Variants in BLVRA observed in about 807,000 individuals in gnomAD.
BLVRA encodes BVR A.
BLVRA carries 22 observed loss-of-function variants against 32.8 expected under a neutral mutation model. That is an observed-to-expected ratio of 0.67 (90% CI 0.48 to 0.96). The LOEUF (loss-of-function observed/expected upper bound fraction) is 0.96, where lower values mean the gene tolerates loss of function less well. Among genes scored for constraint, BLVRA ranks in the 40% least tolerant of loss-of-function variants. The pLI is 0.00. For missense variants in BLVRA, 323 were observed against 358.1 expected, an observed-to-expected ratio of 0.90 and a Z score of 0.79; for synonymous variants, 119 against 141.3, an observed-to-expected ratio of 0.84 and a Z score of 1.12.
At chr7:43,786,397 G>A (rs976960533) in intron 2 of BLVRA, among the ~76,000 whole-genome samples, 2 of 152,122 alleles carry the variant, frequency 1.3e-5, no homozygotes, top group Non-Finnish European at 2.9e-5. Flanking sequence ...GGTCAAAACT[G>A]ATAGAACTGA....
intron 7 of BLVRA, among the ~76,000 whole-genome samples, chr7:43,804,164 G>A (rs908279968): frequency 6.6e-6 from 1 of 152,228 alleles, no homozygotes; most frequent in African/African-American, 2.4e-5. Flanking sequence ...TACCTTGGCT[G>A]GGCGTGGTGG....
chr7:43,771,828 C>T (rs2095755008), intron 2 of BLVRA, among the ~76,000 whole-genome samples: 2 of 152,220 alleles, frequency 1.3e-5, no homozygotes, highest in South Asian at 4.1e-4. Context: ...CCCGCCAGGC[C>T]CCCTGTCACT....
chr7:43,787,958 C>T lies in BLVRA; in HGVS notation c.67C>T (p.Arg23Trp), dbSNP rs755595790. 2.5e-6 allele frequency: 4 copies of T among 1,614,022 alleles called. No individual in the cohort carries two copies. Among genetic ancestry groups the T allele is most frequent in the South Asian group, 2.2e-5 (2 of 91,076 alleles). The change falls in exon 3 of 8, where the codon CGG (arginine) becomes TGG (tryptophan). Residue 23 changes from arginine to tryptophan, a missense_variant. Physicochemically the swap from Arg to Trp is moderately radical, Grantham distance 101. Coordinates refer to ENST00000265523, the MANE Select transcript of BLVRA (RefSeq NM_000712.4). The surrounding 1 kb of genome is among the most constrained non-coding windows in gnomAD (Gnocchi z 4.5). ...VVGVGRAGSVRMRDLRNPHPS... is the reference protein window; with the variant it reads ...VVGVGRAGSVWMRDLRNPHPS... ...TGGTGTTGGCCGAGCCGGCTCCGTGCGGATGAGGGACTTGCGGAATCCACA... is the reference window on the plus strand; with the variant it reads ...TGGTGTTGGCCGAGCCGGCTCCGTGTGGATGAGGGACTTGCGGAATCCACA...
At chr7:43,763,030 C>A (rs986818784) in intron 1 of BLVRA, among the ~76,000 whole-genome samples, 1 of 152,098 alleles carries the variant, frequency 6.6e-6, no homozygotes, top group Non-Finnish European at 1.5e-5. Flanking sequence ...GATATACTGC[C>A]AAGTTTATCA....
At chr7:43,771,769 G>A (rs557334884) in intron 2 of BLVRA, among the ~76,000 whole-genome samples, 2 of 152,290 alleles carry the variant, frequency 1.3e-5, no homozygotes, top group African/African-American at 4.8e-5. Flanking sequence ...GCCTTGTGCT[G>A]TTTGCAGCTG....
intron 2 of BLVRA, among the ~76,000 whole-genome samples, chr7:43,777,614 A>G (rs2095762927): frequency 6.6e-6 from 1 of 152,036 alleles, no homozygotes; most frequent in African/African-American, 2.4e-5. Flanking sequence ...TCTGACAATT[A>G]TATGTCTTGG....
chr7:43,788,458 A>G (rs1050691047), intron 3 of BLVRA, among the ~76,000 whole-genome samples: 17 of 152,192 alleles, frequency 1.1e-4, no homozygotes, highest in African/African-American at 4.1e-4. Context: ...ACAGATAAGG[A>G]GGCTGAACCA....
intron 1 of BLVRA, among the ~76,000 whole-genome samples, chr7:43,762,666 C>T (rs2095743706): frequency 7.2e-6 from 1 of 138,910 alleles, no homozygotes; most frequent in Admixed American, 7.7e-5. Flanking sequence ...GGCTGGAGTG[C>T]AGTGGGACGG....
At chr7:43,777,109 G>C (rs1290520976) in intron 2 of BLVRA, among the ~76,000 whole-genome samples, 1 of 150,508 alleles carries the variant, frequency 6.6e-6, no homozygotes, top group Admixed American at 6.6e-5. Context: ...TTGCCAGTCT[G>C]TGTCTTTTAA....
upstream of BLVRA, among the ~76,000 whole-genome samples, chr7:43,758,189 G>A (rs2095738074): frequency 6.6e-6 from 1 of 152,108 alleles, no homozygotes; most frequent in African/African-American, 2.4e-5. Context: ...TATTCCCTCC[G>A]CTCCTCACAT....
intron 2 of BLVRA, among the ~76,000 whole-genome samples, chr7:43,778,016 GT>G (rs2095763515): frequency 1.3e-5 from 2 of 152,080 alleles, no homozygotes; most frequent in Non-Finnish European, 2.9e-5. Context: ...GCATTTCTCT[GT>G]ATTGGTTATT....
Position 43,792,826 on chromosome 7 carries a change from C to T in BLVRA, c.352+14C>T. 6.2e-7 allele frequency: 1 copy of T among 1,611,954 alleles called. No individual in the cohort carries two copies. On this transcript the variant is annotated intron_variant, in intron 5 of 7. Coordinates refer to ENST00000265523, the MANE Select transcript of BLVRA (RefSeq NM_000712.4). ...CTGAGCAGAAAGGTAATGTATCTTACCAAGAGTTTCTGCCTCCAGGATTTC... is the reference window on the plus strand; with the variant it reads ...CTGAGCAGAAAGGTAATGTATCTTATCAAGAGTTTCTGCCTCCAGGATTTC...
At chr7:43,770,051 G>A (rs918223972) in intron 1 of BLVRA, among the ~76,000 whole-genome samples, 2 of 152,180 alleles carry the variant, frequency 1.3e-5, no homozygotes, top group Non-Finnish European at 2.9e-5. Context: ...TCTCATCCCT[G>A]TGCTTAACCA....
chr7:43,773,588 G>A (rs184443422), intron 2 of BLVRA, among the ~76,000 whole-genome samples: 37 of 152,210 alleles, frequency 2.4e-4, no homozygotes, highest in African/African-American at 7.9e-4. Context: ...GAATAGTGCC[G>A]CAATAAACAT....
At chr7:43,803,251 T>C (rs1010531919) in intron 6 of BLVRA, among the ~76,000 whole-genome samples, 2 of 152,208 alleles carry the variant, frequency 1.3e-5, no homozygotes, top group Non-Finnish European at 2.9e-5. Flanking sequence ...CTTCTACTTT[T>C]ACCAGACTAC....
chr7:43,803,768 C>T lies in BLVRA; in HGVS notation c.553C>T (p.Leu185Phe), dbSNP rs143532590. The T allele has an allele frequency of 1.9e-6, 3 of 1,614,018 alleles. No homozygotes were observed. Among genetic ancestry groups the T allele is most frequent in the African/African-American group, 2.7e-5 (2 of 74,910 alleles). The change falls in exon 7 of 8, where the codon CTT becomes TTT. Residue 185 changes from leucine (L) to phenylalanine (F), a missense_variant. By Grantham distance (22) the Leu-to-Phe change is conservative. Transcript: ENST00000265523. ...GGTCTCCCTCTTTGGGGAGCTTTCT[C>T]TTGTGTCTGCCACTTTGGAAGAGCG... Reference protein sequence around the residue: ...WLVSLFGELSLVSATLEERKE... With the variant: ...WLVSLFGELSFVSATLEERKE...
rs1337713426 is a variant in BLVRA, at chr7:43,807,163, T to C, written c.819T>C (p.Ala273=). ...AGTTCTCTGAGAAGGAACTGGCTGC[T>C]GAAAAGAAACGCATCCTGCACTGCC... ...LGQFSEKELA[A]EKKRILHCLG... is the part of the protein sequence containing the mutation. Residue 273 remains alanine (A), a synonymous_variant, in exon 8 of 8, where the codon GCT becomes GCC. Coordinates refer to ENST00000265523, the MANE Select transcript of BLVRA (RefSeq NM_000712.4). 1 of 1,613,780 alleles carries C rather than the reference T, an allele frequency of 6.2e-7. No homozygotes were observed. Among genetic ancestry groups the C allele is most frequent in the South Asian group, 1.1e-5 (1 of 91,082 alleles).
intron 3 of BLVRA, among the ~76,000 whole-genome samples, chr7:43,789,875 ACG>A (rs1491294329): frequency 2.2e-5 from 2 of 89,162 alleles, no homozygotes; most frequent in South Asian, 4.1e-4. Flanking sequence ...AGTGGTATGT[ACG>A]TGTGTGTGTG....
At chr7:43,785,738 T>C (rs547151443) in intron 2 of BLVRA, among the ~76,000 whole-genome samples, 136 of 152,324 alleles carry the variant, frequency 8.9e-4, no homozygotes, top group African/African-American at 3.1e-3. Context: ...AATATTGAAT[T>C]GTATAACAAC....
Sources: gnomAD v4.1 joint callset for allele counts (sites outside exome capture counted in the v4.1 genomes callset) on GRCh38, gnomAD v4.1.1 for gene constraint, Gnocchi (gnomAD v3.1) non-coding constraint, MANE v1.5 for transcripts, NCBI Gene and HGNC (gene_info 2026-07-23, HGNC 2026-07-21) for gene names.